Variants in PLSCR2 observed in about 807,000 individuals in gnomAD.
PLSCR2 encodes the protein phospholipid scramblase 2, also known as PL scramblase 2.
Under a neutral mutation model 25.3 loss-of-function variants are expected in PLSCR2, and 18 were observed. The observed-to-expected ratio is 0.71, with a 90% CI of 0.49 to 1.06. The LOEUF is 1.06. Ranked by LOEUF, PLSCR2 falls within the 50% of genes least tolerant of loss-of-function variation. PLSCR2 has a pLI of 0.00. For synonymous variants in PLSCR2, 88 were observed against 87.3 expected, an observed-to-expected ratio of 1.01 and a Z score of -0.04; for missense variants, 243 against 269.5, an observed-to-expected ratio of 0.90 and a Z score of 0.69.
chr3:146,483,449 G>A (rs62272705), intron 1 of PLSCR2, among the ~76,000 whole-genome samples: 101 of 30,518 alleles, frequency 3.3e-3, no homozygotes, highest in African/African-American at 6.6e-3. Context: ...ATATACACAT[G>A]TATGTATATA....
At chr3:146,487,556 G>A (rs2043391119) in intron 1 of PLSCR2, among the ~76,000 whole-genome samples, 1 of 152,104 alleles carries the variant, frequency 6.6e-6, no homozygotes, top group African/African-American at 2.4e-5. Context: ...GATCATGAAT[G>A]AACTCCCATT....
intron 1 of PLSCR2, among the ~76,000 whole-genome samples, chr3:146,478,020 A>C (rs1416759329): frequency 6.6e-6 from 1 of 152,208 alleles, no homozygotes; most frequent in African/African-American, 2.4e-5. Flanking sequence ...GAGGGACCTG[A>C]CTGTTAGAAG....
chr3:146,396,599 A>T (rs1426296001), intron 2 of PLSCR2, among the ~76,000 whole-genome samples: 2 of 152,264 alleles, frequency 1.3e-5, no homozygotes, highest in East Asian at 3.9e-4. Flanking sequence ...AGAGGACCAG[A>T]AGGAATTAGT....
chr3:146,486,066 G>T (rs967307276), intron 1 of PLSCR2, among the ~76,000 whole-genome samples: 1 of 151,794 alleles, frequency 6.6e-6, no homozygotes, highest in Non-Finnish European at 1.5e-5. Context: ...GAGCCAAACT[G>T]TATCAGTAAA....
rs529491423 is a variant in PLSCR2 at position 146,469,587 on chromosome 3, T to C, written c.-292-9303A>G. 1.4e-4 allele frequency: 139 copies of C among 985,346 alleles called. No individual in the cohort carries two copies. In the African/African-American group the frequency reaches 2.2e-3, roughly 16 times the overall value. 61.0% of individuals were successfully genotyped at this position (985,346 alleles called of 1,614,324 possible). On this transcript the variant is annotated intron_variant, in intron 1 of 8. Transcript: ENST00000336685. ...GCCCCGTGACTGCCAGGCACACCTG[T>C]TGCACAGCCCTCCCGGAAGTCGGCG...
intron 1 of PLSCR2, among the ~76,000 whole-genome samples, chr3:146,481,305 A>C (rs1356589553): frequency 6.6e-6 from 1 of 152,250 alleles, no homozygotes; most frequent in Non-Finnish European, 1.5e-5. Flanking sequence ...CCCTGTTTGC[A>C]GATGACATGA....
At chr3:146,434,678 A>T (rs1483466880) in intron 8 of PLSCR2, among the ~76,000 whole-genome samples, 1 of 152,130 alleles carries the variant, frequency 6.6e-6, no homozygotes, top group Non-Finnish European at 1.5e-5. Flanking sequence ...TATTTTTACA[A>T]GAAAGTCATT....
intron 1 of PLSCR2, chr3:146,494,729 C>A (rs963497081): frequency 1.3e-5 from 2 of 152,106 alleles, no homozygotes; most frequent in African/African-American, 4.8e-5. Flanking sequence ...AATAATCACA[C>A]AATTATATTA....
chr3:146,439,589 G>A (rs1022002933), downstream of PLSCR2, among the ~76,000 whole-genome samples: 5 of 152,032 alleles, frequency 3.3e-5, no homozygotes, highest in Admixed American at 2.0e-4. Context: ...CATGCATCAC[G>A]TAGTTCTTGT....
chr3:146,440,063 A>T (rs549629495), downstream of PLSCR2, among the ~76,000 whole-genome samples: 17 of 152,320 alleles, frequency 1.1e-4, no homozygotes, highest in South Asian at 3.3e-3. Flanking sequence ...TTGCCTGGGT[A>T]TCACCAGTGG....
At chr3:146,479,105 G>A (rs2108523121) in intron 1 of PLSCR2, among the ~76,000 whole-genome samples, 1 of 152,220 alleles carries the variant, frequency 6.6e-6, no homozygotes, top group Admixed American at 6.5e-5. Flanking sequence ...CACTAAACAT[G>A]GAAAGGAAAA....
intron 1 of PLSCR2, among the ~76,000 whole-genome samples, chr3:146,478,923 G>C (rs933240025): frequency 6.6e-6 from 1 of 152,242 alleles, no homozygotes; most frequent in Non-Finnish European, 1.5e-5. Flanking sequence ...AGCCAGAAGA[G>C]AGTGGGGGCC....
At chr3:146,441,494 G>A (rs908437881), downstream of PLSCR2, among the ~76,000 whole-genome samples, 2 of 151,780 alleles carry the variant, frequency 1.3e-5, no homozygotes, top group African/African-American at 4.8e-5. Flanking sequence ...AGGAAGTTTT[G>A]TATCTAAATT....
At chr3:146,442,889 G>A (rs1184672233) in intron 6 of PLSCR2, among the ~76,000 whole-genome samples, 4 of 152,002 alleles carry the variant, frequency 2.6e-5, no homozygotes, top group African/African-American at 9.7e-5. Context: ...CCATGATATT[G>A]GTTTGAGAAA....
chr3:146,429,421 C>T (rs374913819), downstream of PLSCR2, among the ~76,000 whole-genome samples: 51 of 152,246 alleles, frequency 3.3e-4, no homozygotes, highest in South Asian at 9.8e-3. Context: ...GAGCAAAGGT[C>T]ACCCTTGTTA....
chr3:146,403,949 T>C (rs2038564674), intron 2 of PLSCR2, among the ~76,000 whole-genome samples: 1 of 152,190 alleles, frequency 6.6e-6, no homozygotes, highest in Admixed American at 6.5e-5. Context: ...CCCTAACTCA[T>C]TCTCCACCTT....
chr3:146,422,506 C>T (rs2039186471), intron 2 of PLSCR2, among the ~76,000 whole-genome samples: 1 of 152,078 alleles, frequency 6.6e-6, no homozygotes, highest in Non-Finnish European at 1.5e-5. Flanking sequence ...CTGGTGTTAT[C>T]ACAGTCATCA....
intron 2 of PLSCR2, among the ~76,000 whole-genome samples, chr3:146,418,370 T>G (rs2108065509): frequency 6.6e-6 from 1 of 152,268 alleles, no homozygotes; most frequent in Admixed American, 6.6e-5. Flanking sequence ...AATCTCACCA[T>G]GTAAATCTTG....
chr3:146,469,380 T>C (rs1436047219), intron 1 of PLSCR2, 115 bp downstream of exon 1: 4 of 940,542 alleles, frequency 4.3e-6, no homozygotes, highest in South Asian at 4.9e-5. Context: ...CCGCGGCCCA[T>C]TGGGCCCTTG....
Sources: gnomAD v4.1 joint callset for allele counts (sites outside exome capture counted in the v4.1 genomes callset) on GRCh38, gnomAD v4.1.1 for gene constraint, MANE v1.5 for transcripts, NCBI Gene and HGNC (gene_info 2026-07-23, HGNC 2026-07-21) for gene names.